TMEM117: variants seen among roughly 807,000 people sequenced by gnomAD.
TMEM117 encodes the protein transmembrane protein 117.
Under a neutral mutation model 52.4 loss-of-function variants are expected in TMEM117, and 27 were observed. The ratio of observed to expected loss-of-function variants is 0.51; its 90% CI spans 0.38 to 0.71. The LOEUF (loss-of-function observed/expected upper bound fraction) is 0.71. Among genes scored for constraint, TMEM117 ranks in the 30% least tolerant of loss-of-function variants. The pLI, the probability that TMEM117 is intolerant of heterozygous loss-of-function variation, is 0.00. For synonymous variants in TMEM117, 215 were observed against 206.3 expected (o/e 1.04, Z -0.36); for missense variants, 556 against 630.5 (o/e 0.88, Z 1.26).
intron 3 of TMEM117, among the ~76,000 whole-genome samples, chr12:44,126,839 A>C (rs543834429): frequency 6.6e-5 from 10 of 152,314 alleles, no homozygotes; most frequent in African/African-American, 2.4e-4. Context: ...AGCTGTTAAC[A>C]TGCAAGCAGA....
chr12:44,127,780 AAAG>A (rs1379465259), intron 3 of TMEM117, among the ~76,000 whole-genome samples: 1 of 152,238 alleles, frequency 6.6e-6, no homozygotes, highest in East Asian at 1.9e-4. Context: ...TTTCCCAGAG[AAAG>A]AAGAAATTCT....
intron 5 of TMEM117, chr12:44,263,911 G>A (rs1054171713): frequency 5.9e-5 from 9 of 152,132 alleles, no homozygotes; most frequent in African/African-American, 2.2e-4. Context: ...TTCAGTGAAG[G>A]TGCATTTGTA....
chr12:43,932,713 T>G (rs1235129595), intron 2 of TMEM117, among the ~76,000 whole-genome samples: 1 of 152,224 alleles, frequency 6.6e-6, no homozygotes, highest in Non-Finnish European at 1.5e-5. Context: ...AACTTAAAAT[T>G]AACACCTGTC....
At chr12:44,168,124 C>T (rs1948994582) in intron 4 of TMEM117, among the ~76,000 whole-genome samples, 2 of 151,798 alleles carry the variant, frequency 1.3e-5, no homozygotes, top group South Asian at 2.1e-4. Context: ...TGTGGTGGTG[C>T]GTGCCTGTAG....
chr12:44,078,177 C>A (rs1947413078), intron 3 of TMEM117, among the ~76,000 whole-genome samples: 1 of 152,194 alleles, frequency 6.6e-6, no homozygotes, highest in South Asian at 2.1e-4. Flanking sequence ...ATGTAAAAGA[C>A]ATCTTCATAT....
intron 3 of TMEM117, among the ~76,000 whole-genome samples, chr12:43,972,735 G>T (rs1838325): frequency 6.6e-6 from 1 of 152,002 alleles, no homozygotes; most frequent in Non-Finnish European, 1.5e-5. Flanking sequence ...GCTACAGAGC[G>T]CTGATGGCTG....
intron 3 of TMEM117, among the ~76,000 whole-genome samples, chr12:44,090,022 T>G (rs909617503): frequency 6.6e-6 from 1 of 152,212 alleles, no homozygotes; most frequent in Admixed American, 6.5e-5. Flanking sequence ...TCTTATTGTC[T>G]TATGTGTTTA....
intron 2 of TMEM117, among the ~76,000 whole-genome samples, chr12:43,914,040 A>G (rs1944558891): frequency 1.3e-5 from 2 of 152,128 alleles, no homozygotes; most frequent in African/African-American, 4.8e-5. Flanking sequence ...TATCCTTTCC[A>G]TATTTCCTCT....
intron 3 of TMEM117, among the ~76,000 whole-genome samples, chr12:43,962,334 A>G (rs1945417443): frequency 6.6e-6 from 1 of 152,212 alleles, no homozygotes; most frequent in Non-Finnish European, 1.5e-5. Flanking sequence ...AGAAGCAAAT[A>G]TGCATAACAT....
At chr12:43,884,855 A>G (rs7312412) in intron 2 of TMEM117, among the ~76,000 whole-genome samples, 2,764 of 152,218 alleles carry the variant, frequency 0.018, 84 homozygotes, top group African/African-American at 0.062. Context: ...CATTCTTGGC[A>G]TTATCAGTAC....
chr12:44,126,752 A>G (rs779892891), intron 3 of TMEM117, among the ~76,000 whole-genome samples: 1 of 152,198 alleles, frequency 6.6e-6, no homozygotes, highest in Non-Finnish European at 1.5e-5. Context: ...TCTCAAGAGG[A>G]TTTTAAAATG....
chr12:43,901,812 A>G (rs1340911624), intron 2 of TMEM117, among the ~76,000 whole-genome samples: 1 of 152,208 alleles, frequency 6.6e-6, no homozygotes, highest in Admixed American at 6.5e-5. Flanking sequence ...GTATTCCATG[A>G]AATTATGAAT....
At chr12:43,805,824 A>C in the TMEM117 span, 1 of 1,380,166 alleles carries the variant, frequency 7.2e-7, no homozygotes, top group South Asian at 1.1e-5. Flanking sequence ...TGAAAAAGAA[A>C]ACTCGCCTGG....
At chr12:44,014,739 CT>C (rs1946347927) in intron 3 of TMEM117, among the ~76,000 whole-genome samples, 1 of 152,092 alleles carries the variant, frequency 6.6e-6, no homozygotes, top group South Asian at 2.1e-4. Flanking sequence ...ATTTTTTCCC[CT>C]TGGTGTTGTG....
At chr12:43,990,081 C>T (rs1391760512) in intron 3 of TMEM117, among the ~76,000 whole-genome samples, 4 of 152,106 alleles carry the variant, frequency 2.6e-5, no homozygotes, top group African/African-American at 7.2e-5. Context: ...AATATGGAAG[C>T]TGATCTGCCT....
At chr12:44,035,921 G>C (rs145202804) in intron 3 of TMEM117, among the ~76,000 whole-genome samples, 53 of 152,298 alleles carry the variant, frequency 3.5e-4, no homozygotes, top group African/African-American at 1.2e-3. Context: ...AGTTTTCTTA[G>C]TATCTTTTAT....
At chr12:43,860,581 G>C (rs1031686270) in intron 2 of TMEM117, among the ~76,000 whole-genome samples, 6 of 152,114 alleles carry the variant, frequency 3.9e-5, no homozygotes, top group African/African-American at 1.4e-4. Context: ...GTAGCTTTCT[G>C]GGGGAAGACA....
At chr12:43,898,449 C>A (rs1177327264) in intron 2 of TMEM117, among the ~76,000 whole-genome samples, 1 of 151,172 alleles carries the variant, frequency 6.6e-6, no homozygotes, top group Non-Finnish European at 1.5e-5. Context: ...GATTAATAGA[C>A]CCTTTCTATT....
intron 3 of TMEM117, among the ~76,000 whole-genome samples, chr12:43,977,932 A>C (rs73085758): frequency 0.07 from 10,717 of 152,276 alleles, 489 homozygotes; most frequent in Middle Eastern, 0.13. Context: ...ATACATGTAC[A>C]TATGTAGTTT....
Sources: gnomAD v4.1 joint callset for allele counts (sites outside exome capture counted in the v4.1 genomes callset) on GRCh38, gnomAD v4.1.1 for gene constraint, MANE v1.5 for transcripts, NCBI Gene and HGNC (gene_info 2026-07-23, HGNC 2026-07-21) for gene names.